CCDC50: variants seen among roughly 807,000 people sequenced by gnomAD.
The protein encoded by CCDC50 is coiled-coil domain-containing protein 50.
In CCDC50, 54 loss-of-function variants were observed where a neutral mutation model predicts 70.2. The ratio of observed to expected loss-of-function variants is 0.77; its 90% CI spans 0.62 to 0.96. CCDC50 has a LOEUF of 0.96. Ranked by LOEUF, CCDC50 falls within the 50% of genes least tolerant of loss-of-function variation. CCDC50 has a pLI of 0.00. For missense variants in CCDC50, 558 were observed against 578.7 expected, an observed-to-expected ratio of 0.96 and a Z score of 0.37; for synonymous variants, 216 against 198.8, an observed-to-expected ratio of 1.09 and a Z score of -0.73.
At chr3:191,347,010 C>CT (rs1711951274) in intron 1 of CCDC50, among the ~76,000 whole-genome samples, 1 of 125,142 alleles carries the variant, frequency 8.0e-6, no homozygotes, top group Non-Finnish European at 1.9e-5. Flanking sequence ...TCTTGATACT[C>CT]TTGACAGTTT....
chr3:191,354,368 C>T (rs562885937), intron 1 of CCDC50, among the ~76,000 whole-genome samples: 1 of 152,008 alleles, frequency 6.6e-6, no homozygotes, highest in African/African-American at 2.4e-5. Context: ...TTTTTTTTAA[C>T]CATAGGTATA....
At chr3:191,386,538 A>T (rs542136874) in intron 10 of CCDC50, among the ~76,000 whole-genome samples, 1 of 152,126 alleles carries the variant, frequency 6.6e-6, no homozygotes, top group Non-Finnish European at 1.5e-5. Context: ...ACAGTTTAAT[A>T]ATATAGATTC....
chr3:191,380,652 T>C, intron 7 of CCDC50, 35 bp from the exon 8 acceptor site: 1 of 1,596,642 alleles, frequency 6.3e-7, no homozygotes, highest in Non-Finnish European at 8.6e-7. Context: ...TAGATTCCAA[T>C]TAAATTCTTT....
chr3:191,351,838 T>C (rs1712116537), intron 1 of CCDC50, among the ~76,000 whole-genome samples: 1 of 141,064 alleles, frequency 7.1e-6, no homozygotes, highest in Non-Finnish European at 1.6e-5. Context: ...GCTGTAATTC[T>C]CTTTGGGGCT....
chr3:191,330,226 G>A (rs1369206792), intron 1 of CCDC50, among the ~76,000 whole-genome samples: 1 of 151,878 alleles, frequency 6.6e-6, no homozygotes, highest in African/African-American at 2.4e-5. Context: ...CTTCCTCAAG[G>A]TTTAAAAGTT....
At chr3:191,343,123 G>A (rs988269366) in intron 1 of CCDC50, among the ~76,000 whole-genome samples, 1 of 152,066 alleles carries the variant, frequency 6.6e-6, no homozygotes, top group Admixed American at 6.6e-5. Flanking sequence ...CCTGAGTTCC[G>A]CAGGGCCAAC....
intron 3 of CCDC50, 145 bp downstream of exon 3, chr3:191,358,269 G>GT (rs1371281622): frequency 1.0e-5 from 11 of 1,100,628 alleles, no homozygotes; most frequent in Non-Finnish European, 1.3e-5. Flanking sequence ...ATGTCTAACA[G>GT]TTTTTTTGAT....
intron 3 of CCDC50, among the ~76,000 whole-genome samples, chr3:191,358,852 TG>T (rs1367041666): frequency 6.6e-6 from 1 of 152,052 alleles, no homozygotes; most frequent in Non-Finnish European, 1.5e-5. Flanking sequence ...AAAGGAAAAA[TG>T]GAAGGAACCC....
intron 10 of CCDC50, among the ~76,000 whole-genome samples, chr3:191,387,013 G>C (rs1713519619): frequency 6.6e-6 from 1 of 151,968 alleles, no homozygotes; most frequent in South Asian, 2.1e-4. Flanking sequence ...TTTATTCCTT[G>C]TGCATTCTTA....
At chr3:191,365,368 T>C (rs1712647793) in intron 4 of CCDC50, among the ~76,000 whole-genome samples, 1 of 152,026 alleles carries the variant, frequency 6.6e-6, no homozygotes, top group South Asian at 2.1e-4. Flanking sequence ...AAAGAATATT[T>C]ACACATTCTT....
rs1713751714 is a variant in CCDC50 at position 191,393,096 on chromosome 3, G to A, written c.*1336G>A. 6.6e-6 allele frequency: 1 copy of A among 152,180 alleles called. No individual in the cohort carries two copies. Among genetic ancestry groups the A allele is most frequent in the South Asian group, 2.1e-4 (1 of 4,826 alleles). 9.4% of individuals were successfully genotyped at this position (152,180 alleles called of 1,614,324 possible). A position where few individuals can be genotyped will look rare whatever the true frequency, so the allele number is the denominator to read the frequency against. On this transcript the variant is annotated 3_prime_UTR_variant, in exon 12 of 12. Transcript: ENST00000392455. ...TTTGTGCAAGGGATTGTATTCCTCTGTACAAGACCTTTAAGCACCTCTTCA... is the reference window on the plus strand; with the variant it reads ...TTTGTGCAAGGGATTGTATTCCTCTATACAAGACCTTTAAGCACCTCTTCA...
intron 5 of CCDC50, among the ~76,000 whole-genome samples, chr3:191,371,627 G>A (rs75995476): frequency 0.015 from 2,252 of 152,240 alleles, 50 homozygotes; most frequent in African/African-American, 0.052. Context: ...TACAGTTTGA[G>A]TATAATTTTG....
chr3:191,370,217 T>G, intron 5 of CCDC50, 181 bp downstream of exon 5: 2 of 566,706 alleles, frequency 3.5e-6, no homozygotes, highest in East Asian at 6.5e-5. Context: ...TTTTGTTTTG[T>G]TTTGTTTTTA....
At chr3:191,366,105 T>G (rs1335120863) in intron 4 of CCDC50, among the ~76,000 whole-genome samples, 1 of 152,154 alleles carries the variant, frequency 6.6e-6, no homozygotes, top group African/African-American at 2.4e-5. Flanking sequence ...CACTGCACCT[T>G]GTTTATATTA....
chr3:191,342,904 C>T (rs183431517), intron 1 of CCDC50, among the ~76,000 whole-genome samples: 61 of 152,214 alleles, frequency 4.0e-4, no homozygotes, highest in African/African-American at 1.3e-3. Flanking sequence ...CTGTTTTTTT[C>T]GTAGAATGTC....
intron 11 of CCDC50, 52 bp downstream of exon 11, chr3:191,389,654 C>G (rs754539586): frequency 1.5e-6 from 2 of 1,361,518 alleles, no homozygotes; most frequent in Non-Finnish European, 2.1e-6. Flanking sequence ...TTATATAAGC[C>G]TCGTGTTGTA....
intron 1 of CCDC50, among the ~76,000 whole-genome samples, chr3:191,331,080 G>A (rs3796219): frequency 0.094 from 14,266 of 152,200 alleles, 715 homozygotes; most frequent in East Asian, 0.25. Context: ...ATACTTTTGA[G>A]AGTTCTTATC....
chr3:191,337,418 G>A (rs1193543592), intron 1 of CCDC50, among the ~76,000 whole-genome samples: 3 of 150,648 alleles, frequency 2.0e-5, no homozygotes, highest in Admixed American at 6.6e-5. Flanking sequence ...TTTTTAAGAC[G>A]GTGTCTAGCT....
intron 1 of CCDC50, among the ~76,000 whole-genome samples, chr3:191,347,729 T>G (rs1459789621): frequency 7.0e-6 from 1 of 142,166 alleles, no homozygotes; most frequent in Admixed American, 7.2e-5. Flanking sequence ...ATAATAAAGC[T>G]GAAATTCCAG....
Sources: gnomAD v4.1 joint callset for allele counts (sites outside exome capture counted in the v4.1 genomes callset) on GRCh38, gnomAD v4.1.1 for gene constraint, MANE v1.5 for transcripts, NCBI Gene and HGNC (gene_info 2026-07-23, HGNC 2026-07-21) for gene names.